Variants in CDK17 observed in about 807,000 individuals in gnomAD.
CDK17 encodes the protein cyclin dependent kinase 17.
CDK17 carries 24 observed loss-of-function variants against 77.6 expected under a neutral mutation model. That is an observed-to-expected ratio of 0.31 (90% CI 0.22 to 0.44). The LOEUF (loss-of-function observed/expected upper bound fraction) is 0.44. Ranked by LOEUF, CDK17 falls within the 20% of genes least tolerant of loss-of-function variation. CDK17 has a pLI of 1.00. For missense variants in CDK17, 429 were observed against 622.5 expected, an observed-to-expected ratio of 0.69 and a Z score of 3.31; for synonymous variants, 203 against 210.4, an observed-to-expected ratio of 0.96 and a Z score of 0.30.
chr12:96,331,665 T>C (rs1952969651), intron 2 of CDK17, among the ~76,000 whole-genome samples: 1 of 152,190 alleles, frequency 6.6e-6, no homozygotes, highest in Admixed American at 6.5e-5. Flanking sequence ...GGATATTCTA[T>C]TGTATTTGGA....
intron 1 of CDK17, among the ~76,000 whole-genome samples, chr12:96,369,060 T>C (rs1021592905): frequency 1.3e-5 from 2 of 152,124 alleles, no homozygotes; most frequent in Non-Finnish European, 2.9e-5. Flanking sequence ...AGTAGGCCTG[T>C]GATAGGTGTA....
At chr12:96,384,159 A>G (rs145120205) in intron 1 of CDK17, among the ~76,000 whole-genome samples, 300 of 152,320 alleles carry the variant, frequency 2.0e-3, no homozygotes, top group African/African-American at 6.8e-3. Flanking sequence ...AAAATGTTCA[A>G]CATTACTAAT....
At chr12:96,361,649 G>A (rs114661907) in intron 1 of CDK17, among the ~76,000 whole-genome samples, 1,528 of 151,970 alleles carry the variant, frequency 0.01, 26 homozygotes, top group African/African-American at 0.034. Flanking sequence ...CCAAAATAAC[G>A]GTATCTATTT....
At chr12:96,310,148 G>A (rs578021757) in intron 5 of CDK17, among the ~76,000 whole-genome samples, 3 of 152,108 alleles carry the variant, frequency 2.0e-5, no homozygotes, top group Non-Finnish European at 4.4e-5. Flanking sequence ...CAATGAAAAC[G>A]AATTATCTAT....
At chr12:96,389,551 G>A (rs1404759902) in intron 1 of CDK17, among the ~76,000 whole-genome samples, 1 of 152,042 alleles carries the variant, frequency 6.6e-6, no homozygotes, top group Non-Finnish European at 1.5e-5. Flanking sequence ...CAACTTATGG[G>A]CAAAAATTAT....
At chr12:96,323,134 A>G (rs1952844061) in intron 3 of CDK17, among the ~76,000 whole-genome samples, 1 of 152,170 alleles carries the variant, frequency 6.6e-6, no homozygotes, top group South Asian at 2.1e-4. Context: ...AGTGATTTTA[A>G]AAATCAAAAC....
chr12:96,324,599 T>A (rs1392881120), intron 2 of CDK17, among the ~76,000 whole-genome samples: 1 of 152,002 alleles, frequency 6.6e-6, no homozygotes, highest in African/African-American at 2.4e-5. Context: ...AAACTCCATC[T>A]CTACTAAAAA....
At chr12:96,358,861 C>T (rs930888629) in intron 1 of CDK17, among the ~76,000 whole-genome samples, 1 of 123,348 alleles carries the variant, frequency 8.1e-6, no homozygotes, top group African/African-American at 3.3e-5. Flanking sequence ...CCCCACCCCA[C>T]CCCAAAAAAG....
At chr12:96,290,149 TGTAA>T (rs1198868099) in intron 10 of CDK17, among the ~76,000 whole-genome samples, 1 of 152,238 alleles carries the variant, frequency 6.6e-6, no homozygotes, top group Non-Finnish European at 1.5e-5. Context: ...ACAAGCTTGC[TGTAA>T]GTGATATAAA....
At chr12:96,322,664 T>C (rs1952837940) in intron 3 of CDK17, among the ~76,000 whole-genome samples, 3 of 152,150 alleles carry the variant, frequency 2.0e-5, no homozygotes, top group Admixed American at 2.0e-4. Context: ...TTATATAGTG[T>C]TTTTGACTAT....
chr12:96,386,503 A>T (rs557755850), intron 1 of CDK17, among the ~76,000 whole-genome samples: 4 of 152,132 alleles, frequency 2.6e-5, no homozygotes, highest in East Asian at 3.9e-4. Context: ...AAAAATCTTT[A>T]AAAAATTAGC....
intron 3 of CDK17, among the ~76,000 whole-genome samples, chr12:96,322,393 T>C (rs1952833313): frequency 6.6e-6 from 1 of 152,122 alleles, no homozygotes; most frequent in Admixed American, 6.6e-5. Flanking sequence ...GAGCTAAAAA[T>C]GTTTTTTGTA....
At chr12:96,289,103 A>G (rs1310571613) in intron 11 of CDK17, 64 bp downstream of exon 11, 2 of 1,515,900 alleles carry the variant, frequency 1.3e-6, no homozygotes, top group Non-Finnish European at 1.8e-6. Flanking sequence ...TTATCAATAC[A>G]TCTTGCATTA....
chr12:96,334,512 C>G (rs189673176), intron 2 of CDK17, among the ~76,000 whole-genome samples: 2 of 152,066 alleles, frequency 1.3e-5, no homozygotes, highest in Non-Finnish European at 2.9e-5. Flanking sequence ...GGTTTGAGAC[C>G]AGGTATCGTA....
intron 6 of CDK17, among the ~76,000 whole-genome samples, chr12:96,299,823 G>C (rs1952472237): frequency 6.6e-6 from 1 of 152,064 alleles, no homozygotes; most frequent in Non-Finnish European, 1.5e-5. Flanking sequence ...ATTAACTATT[G>C]TTTTCTTTGC....
intron 1 of CDK17, among the ~76,000 whole-genome samples, chr12:96,380,968 T>G (rs994130057): frequency 2.6e-5 from 4 of 152,172 alleles, no homozygotes; most frequent in African/African-American, 9.7e-5. Context: ...CATCTCTCTA[T>G]TTGTAAAGCT....
chr12:96,339,048 C>G (rs1019027849), intron 1 of CDK17, among the ~76,000 whole-genome samples: 38 of 152,182 alleles, frequency 2.5e-4, no homozygotes, highest in African/African-American at 9.1e-4. Flanking sequence ...ATCACCACTT[C>G]AGAATCTTGC....
chr12:96,357,800 A>C (rs950767880), intron 1 of CDK17, among the ~76,000 whole-genome samples: 2 of 152,224 alleles, frequency 1.3e-5, no homozygotes, highest in South Asian at 4.1e-4. Flanking sequence ...TGAGAAAGGT[A>C]TCCTGAGATT....
chr12:96,383,962 G>A (rs1953927849), intron 1 of CDK17, among the ~76,000 whole-genome samples: 1 of 151,988 alleles, frequency 6.6e-6, no homozygotes, highest in South Asian at 2.1e-4. Context: ...ATTATCAAGA[G>A]TATACAGACA....
Sources: allele counts gnomAD v4.1 joint callset (sites outside exome capture counted in the v4.1 genomes callset), GRCh38; gene constraint gnomAD v4.1.1; transcripts MANE v1.5; gene names NCBI Gene and HGNC (gene_info 2026-07-23, HGNC 2026-07-21).